Variants in MARCHF1 observed in about 807,000 individuals in gnomAD.
MARCHF1 encodes the protein membrane associated ring-CH-type finger 1.
Under a neutral mutation model 54.2 loss-of-function variants are expected in MARCHF1, and 40 were observed. The observed-to-expected ratio is 0.74, with a 90% CI of 0.57 to 0.96. The LOEUF is 0.96. Ranked by LOEUF, MARCHF1 falls within the 40% of genes least tolerant of loss-of-function variation. The pLI is 0.00. For synonymous variants in MARCHF1, 236 were observed against 236.3 expected (o/e 1.00, Z 0.01); for missense variants, 586 against 656.5 (o/e 0.89, Z 1.17).
At chr4:163,778,006 G>GT (rs1747353888) in intron 4 of MARCHF1, among the ~76,000 whole-genome samples, 1 of 152,174 alleles carries the variant, frequency 6.6e-6, no homozygotes, top group South Asian at 2.1e-4. Flanking sequence ...TTTCCAGAAT[G>GT]TAACATCAGT....
chr4:163,831,164 G>A (rs1163834295), intron 4 of MARCHF1, among the ~76,000 whole-genome samples: 3 of 152,098 alleles, frequency 2.0e-5, no homozygotes, highest in African/African-American at 7.2e-5. Context: ...TCTGTTTTCT[G>A]CACTGAACCC....
At chr4:163,568,802 AAGG>A (rs973185465) in intron 8 of MARCHF1, among the ~76,000 whole-genome samples, 2 of 152,136 alleles carry the variant, frequency 1.3e-5, no homozygotes, top group African/African-American at 4.8e-5. Context: ...GCAGTGGTCC[AAGG>A]AGGACCAGAG....
chr4:164,249,120 A>G (rs952979985), intron 1 of MARCHF1, among the ~76,000 whole-genome samples: 2 of 152,214 alleles, frequency 1.3e-5, no homozygotes, highest in East Asian at 1.9e-4. Context: ...TTTATTTACA[A>G]TCCCGGGGTA....
chr4:164,303,280 A>G (rs1734611139), intron 1 of MARCHF1, among the ~76,000 whole-genome samples: 1 of 152,224 alleles, frequency 6.6e-6, no homozygotes, highest in Admixed American at 6.5e-5. Flanking sequence ...ACCAAACTTT[A>G]TGATTTATTC....
chr4:163,783,848 T>G (rs943002873), intron 4 of MARCHF1, among the ~76,000 whole-genome samples: 1 of 152,202 alleles, frequency 6.6e-6, no homozygotes, highest in African/African-American at 2.4e-5. Flanking sequence ...CATACTAATA[T>G]TCTGATGATT....
At chr4:164,074,993 A>T (rs185057136) in intron 2 of MARCHF1, among the ~76,000 whole-genome samples, 2 of 152,188 alleles carry the variant, frequency 1.3e-5, no homozygotes, top group East Asian at 3.9e-4. Context: ...CCCTGTTTGT[A>T]ATGCTGACAC....
chr4:163,838,518 A>G (rs1749253230), intron 4 of MARCHF1, among the ~76,000 whole-genome samples: 1 of 152,112 alleles, frequency 6.6e-6, no homozygotes, highest in Admixed American at 6.5e-5. Context: ...GTGGATATTC[A>G]ACGATCTAAG....
chr4:163,964,451 C>T (rs547243564), intron 3 of MARCHF1, among the ~76,000 whole-genome samples: 2 of 152,080 alleles, frequency 1.3e-5, no homozygotes, highest in East Asian at 3.9e-4. Flanking sequence ...TGCTGGGCTT[C>T]ATCTTCCAGA....
chr4:163,799,891 A>C (rs10023321), intron 4 of MARCHF1, among the ~76,000 whole-genome samples: 149,318 of 152,124 alleles, frequency 0.98, 73,325 homozygotes, highest in East Asian at 1. Context: ...AACCTAGCTG[A>C]CCATAAATGG....
At chr4:164,294,261 A>C (rs1479818653) in intron 1 of MARCHF1, among the ~76,000 whole-genome samples, 3 of 152,188 alleles carry the variant, frequency 2.0e-5, no homozygotes, top group African/African-American at 7.2e-5. Context: ...CAGACAGCCC[A>C]CTGTGGCACT....
chr4:164,207,724 T>G (rs1731651638), intron 1 of MARCHF1, among the ~76,000 whole-genome samples: 1 of 152,044 alleles, frequency 6.6e-6, no homozygotes, highest in Non-Finnish European at 1.5e-5. Flanking sequence ...GTGTGCACTG[T>G]TGCACTGGAG....
chr4:164,329,079 G>C (rs749114913), intron 1 of MARCHF1, among the ~76,000 whole-genome samples: 1 of 152,116 alleles, frequency 6.6e-6, no homozygotes, highest in Non-Finnish European at 1.5e-5. Context: ...CTCGTTACTG[G>C]AGAAGGAACT....
At chr4:164,193,545 T>C (rs956697095) in intron 1 of MARCHF1, among the ~76,000 whole-genome samples, 1 of 152,238 alleles carries the variant, frequency 6.6e-6, no homozygotes. Context: ...AATGCCTCTT[T>C]CACTTGGATT....
intron 8 of MARCHF1, chr4:163,585,417 T>C (rs553056243): frequency 2.4e-3 from 399 of 163,630 alleles, no homozygotes; most frequent in African/African-American, 9.2e-3. Context: ...AATGCTATCA[T>C]AGTTCTCATC....
intron 2 of MARCHF1, among the ~76,000 whole-genome samples, chr4:164,088,747 T>G (rs925262819): frequency 4.6e-5 from 7 of 151,684 alleles, no homozygotes; most frequent in Admixed American, 3.3e-4. Context: ...TCAGAAAAAT[T>G]AAAATAAAAT....
At position 164,009,305 on chromosome 4, in the gene MARCHF1, A is replaced by G. The variant is rs1219010963; in HGVS notation, c.-247-20596T>C. On this transcript the variant is annotated intron_variant, in intron 2 of 9. Coordinates refer to ENST00000514618, the MANE Select transcript of MARCHF1 (RefSeq NM_001394959.1). ...GAAATAATCAAATTGAGCCATAATA[A>G]CAAGTCTCTCATTAAATAAAAGTCC... Among the ~76,000 whole-genome samples the G allele has an allele frequency of 5.3e-5, 8 of 152,274 alleles. No individual in the cohort carries two copies. In the East Asian group the frequency reaches 1.3e-3, roughly 26 times the overall value.
intron 1 of MARCHF1, among the ~76,000 whole-genome samples, chr4:164,171,952 T>C (rs1203376912): frequency 6.6e-6 from 1 of 152,206 alleles, no homozygotes; most frequent in African/African-American, 2.4e-5. Context: ...GGGTAAAATG[T>C]ATAGTTGAGC....
chr4:164,179,988 T>C (rs1730791014), intron 1 of MARCHF1, among the ~76,000 whole-genome samples: 1 of 149,578 alleles, frequency 6.7e-6, no homozygotes, highest in Non-Finnish European at 1.5e-5. Flanking sequence ...ACTTCTGATG[T>C]TGGACATTTG....
chr4:164,050,118 T>C (rs1284200067), intron 2 of MARCHF1, among the ~76,000 whole-genome samples: 2 of 151,366 alleles, frequency 1.3e-5, no homozygotes, highest in African/African-American at 2.4e-5. Context: ...CTACTAAAAA[T>C]ACACAAATTA....
Sources: allele counts gnomAD v4.1 joint callset (sites outside exome capture counted in the v4.1 genomes callset), GRCh38; gene constraint gnomAD v4.1.1; transcripts MANE v1.5; gene names NCBI Gene and HGNC (gene_info 2026-07-23, HGNC 2026-07-21).